NEBL: variants seen among roughly 807,000 people sequenced by gnomAD.
The protein encoded by NEBL is LIM and SH3 protein 2.
Under a neutral mutation model 140.2 loss-of-function variants are expected in NEBL, and 122 were observed. The ratio of observed to expected loss-of-function variants is 0.87; its 90% CI spans 0.75 to 1.01. The LOEUF (loss-of-function observed/expected upper bound fraction) is 1.01, where lower values mean the gene tolerates loss of function less well. Ranked by LOEUF, NEBL falls within the 50% of genes least tolerant of loss-of-function variation. The pLI is 0.00. For synonymous variants in NEBL, 436 were observed against 398.9 expected, an observed-to-expected ratio of 1.09 and a Z score of -1.11; for missense variants, 1,365 against 1,231.3, an observed-to-expected ratio of 1.11 and a Z score of -1.62.
chr10:21,275,637 CTTT>C (rs11396394), intron 1 of NEBL, among the ~76,000 whole-genome samples: 4 of 119,522 alleles, frequency 3.3e-5, no homozygotes, highest in Admixed American at 8.8e-5. Context: ...ACATTACCAG[CTTT>C]TTTTTTTTTT....
chr10:21,143,779 G>A (rs961439411), intron 2 of NEBL, among the ~76,000 whole-genome samples: 9 of 150,016 alleles, frequency 6.0e-5, no homozygotes, highest in Non-Finnish European at 1.0e-4. Context: ...CAGCCTTTAC[G>A]AACAAATAAA....
At chr10:21,117,765 A>G (rs1170670902) in intron 2 of NEBL, among the ~76,000 whole-genome samples, 1 of 152,098 alleles carries the variant, frequency 6.6e-6, no homozygotes, top group Non-Finnish European at 1.5e-5. Flanking sequence ...GTTCTCTCAA[A>G]TATCAACTTT....
rs987785661 is a variant in NEBL at position 20,780,640 on chromosome 10, T to C, written c.*5107A>G. On this transcript the variant is annotated 3_prime_UTR_variant, in exon 28 of 28. Transcript: ENST00000377122. ...TGAGAGCCAAGAAGTGAACCATTTT[T>C]TTTATATCCTGCATTTATTTAAGCA... is the stretch of plus-strand genomic sequence containing the variant. The C allele has an allele frequency of 2.6e-5, 4 of 152,228 alleles. No homozygotes were observed. The highest frequency in any genetic ancestry group is 9.6e-5 in the African/African-American group (4 of 41,460). The allele number at this position is 152,228 out of a possible 1,614,324, so 9.4% of individuals were successfully genotyped here.
chr10:21,288,245 G>A (rs908647221), intron 1 of NEBL, among the ~76,000 whole-genome samples: 3 of 152,104 alleles, frequency 2.0e-5, no homozygotes, highest in Non-Finnish European at 4.4e-5. Flanking sequence ...CAAGGCGGGC[G>A]GATCACTAGG....
chr10:20,817,747 A>T (rs1303551604), intron 20 of NEBL, 55 bp from the exon 21 acceptor site: 3 of 1,354,658 alleles, frequency 2.2e-6, no homozygotes, highest in Admixed American at 1.7e-5. Flanking sequence ...CCACTGAAAT[A>T]CCACAAAGGA....
At chr10:20,851,756 G>A (rs1370356260) in intron 10 of NEBL, among the ~76,000 whole-genome samples, 1 of 152,104 alleles carries the variant, frequency 6.6e-6, no homozygotes, top group Non-Finnish European at 1.5e-5. Flanking sequence ...TTGCACTCCA[G>A]CCAGGGTGAC....
chr10:21,089,446 T>G (rs1371842971), intron 2 of NEBL, among the ~76,000 whole-genome samples: 1 of 151,966 alleles, frequency 6.6e-6, no homozygotes, highest in African/African-American at 2.4e-5. Context: ...CCATCAGAGC[T>G]TGGAGGAATG....
intron 26 of NEBL, among the ~76,000 whole-genome samples, chr10:20,806,715 T>C (rs1837649544): frequency 6.6e-6 from 1 of 152,212 alleles, no homozygotes; most frequent in African/African-American, 2.4e-5. Context: ...GCTGTGTGCA[T>C]TGCCAGATCT....
At chr10:21,143,118 G>T (rs542018783) in intron 2 of NEBL, among the ~76,000 whole-genome samples, 2 of 152,122 alleles carry the variant, frequency 1.3e-5, no homozygotes, top group African/African-American at 4.8e-5. Flanking sequence ...TGTAGAAAAA[G>T]AGGAGTTTTC....
chr10:21,112,948 C>A (rs1018050701), intron 2 of NEBL: 8 of 356,258 alleles, frequency 2.2e-5, no homozygotes, highest in Non-Finnish European at 3.7e-5. Context: ...TTAAGTGTAA[C>A]TGGAAAGTGA....
intron 25 of NEBL, 104 bp from the exon 26 acceptor site, chr10:20,808,763 A>C: frequency 1.6e-6 from 2 of 1,253,686 alleles, no homozygotes; most frequent in Non-Finnish European, 2.3e-6. Context: ...ACCATCTCTT[A>C]GTAAAGAATA....
intron 4 of NEBL, among the ~76,000 whole-genome samples, chr10:20,913,265 G>A (rs1294683318): frequency 1.3e-5 from 2 of 152,080 alleles, no homozygotes; most frequent in African/African-American, 4.8e-5. Context: ...ATTTTGAAAG[G>A]CACCTGCTGA....
At position 21,173,283 on chromosome 10, in the gene NEBL, G is replaced by A. The variant is rs183889743; in HGVS notation, c.69+482C>T. Among the ~76,000 whole-genome samples the A allele has an allele frequency of 6.6e-6, 1 of 152,140 alleles. No homozygotes were observed. The highest frequency in any genetic ancestry group is 2.4e-5 in the African/African-American group (1 of 41,434). On this transcript the variant is annotated intron_variant, in intron 1 of 6. Transcript: ENST00000417816. This position sits in a 1 kb window ranked among gnomAD's most constrained non-coding sequence, Gnocchi z 5.7. The stretch of plus-strand genomic sequence containing the variant: ...GGATTATTCTTAGCAATGCGGCAGC[G>A]GCCGCCCCATGACATATTAATTACT...
At chr10:21,286,458 C>G (rs1386881601) in intron 1 of NEBL, among the ~76,000 whole-genome samples, 1 of 152,220 alleles carries the variant, frequency 6.6e-6, no homozygotes, top group Non-Finnish European at 1.5e-5. Flanking sequence ...TGTTCTGTTA[C>G]TAAACATGTT....
intron 2 of NEBL, among the ~76,000 whole-genome samples, chr10:21,055,908 C>G (rs1835002182): frequency 6.6e-6 from 1 of 152,176 alleles, no homozygotes; most frequent in African/African-American, 2.4e-5. Flanking sequence ...TTAAAATCAG[C>G]CAGAGTATCT....
chr10:21,183,170 C>T (rs1302176466), intron 3 of NEBL, among the ~76,000 whole-genome samples: 1 of 152,196 alleles, frequency 6.6e-6, no homozygotes, highest in Non-Finnish European at 1.5e-5. Context: ...ACACTCACCT[C>T]CCTCTCTGTT....
chr10:20,972,945 A>G (rs1836643482), intron 3 of NEBL, among the ~76,000 whole-genome samples: 1 of 152,168 alleles, frequency 6.6e-6, no homozygotes, highest in Non-Finnish European at 1.5e-5. Context: ...TAAAAAATCT[A>G]TGTTACAACT....
chr10:20,818,930 A>C (rs529059313), intron 20 of NEBL: 1,080 of 971,688 alleles, frequency 1.1e-3, no homozygotes, highest in Non-Finnish European at 1.3e-3. Flanking sequence ...AAATCTGGAG[A>C]TATTCCGTTT....
chr10:21,140,757 C>G (rs2132095951), intron 2 of NEBL, among the ~76,000 whole-genome samples: 2 of 152,086 alleles, frequency 1.3e-5, no homozygotes, highest in Middle Eastern at 3.4e-3. Context: ...CACATGGACA[C>G]AGAGAGGGGA....
Sources: gnomAD v4.1 joint callset for allele counts (sites outside exome capture counted in the v4.1 genomes callset) on GRCh38, gnomAD v4.1.1 for gene constraint, Gnocchi (gnomAD v3.1) non-coding constraint, MANE v1.5 for transcripts, NCBI Gene and HGNC (gene_info 2026-07-23, HGNC 2026-07-21) for gene names.